NRG1: variants seen among roughly 807,000 people sequenced by gnomAD.
NRG1 encodes the protein neuregulin 1.
Under a neutral mutation model 63.8 loss-of-function variants are expected in NRG1, and 18 were observed. The observed-to-expected ratio is 0.28, with a 90% CI of 0.19 to 0.42. The LOEUF is 0.42. Ranked by LOEUF, NRG1 falls within the 10% of genes least tolerant of loss-of-function variation. The probability of loss-of-function intolerance (pLI) is 1.00; values close to 1 mark genes in which losing one functional copy is unlikely to be tolerated. For missense variants in NRG1, 762 were observed against 814.7 expected (o/e 0.94, Z 0.79); for synonymous variants, 302 against 301.3 (o/e 1.00, Z -0.02).
At chr8:32,719,308 TA>T (rs1359081310) in intron 5 of NRG1, among the ~76,000 whole-genome samples, 1 of 152,044 alleles carries the variant, frequency 6.6e-6, no homozygotes. Flanking sequence ...ACATGCATAT[TA>T]AAAACCTGAA....
chr8:32,545,486 T>A (rs1003610238), upstream of NRG1, among the ~76,000 whole-genome samples: 4 of 149,966 alleles, frequency 2.7e-5, no homozygotes, highest in East Asian at 2.0e-4. Context: ...GTTTTTTTTT[T>A]AAAGCAAAAA....
intron 1 of NRG1, among the ~76,000 whole-genome samples, chr8:31,943,453 C>G (rs1802064958): frequency 1.3e-5 from 2 of 152,054 alleles, no homozygotes; most frequent in South Asian, 4.2e-4. Flanking sequence ...CTGGTGATGG[C>G]TGCACCAAAA....
intron 1 of NRG1, among the ~76,000 whole-genome samples, chr8:31,832,793 T>TA (rs1376275645): frequency 8.5e-5 from 13 of 152,206 alleles, no homozygotes; most frequent in Non-Finnish European, 1.5e-4. Flanking sequence ...TGCCTATTGC[T>TA]TTATAAAACT....
In NRG1 at chr8:31,777,418, A is replaced by G. The variant is rs567452379; in HGVS notation, c.37+137987A>G. On this transcript the variant is annotated intron_variant, in intron 1 of 10. Coordinates refer to the NRG1 transcript ENST00000519301. ...CTGAGGACCAGAGAGTAGGCATCCA[A>G]GGTCACAGAGTTGGGCATGCGTGGG... 3.7e-4 allele frequency among the ~76,000 whole-genome samples: 56 copies of G among 152,336 alleles called. 1 individual carries two copies. The highest frequency in any genetic ancestry group is 1.2e-3 in the African/African-American group (49 of 41,584).
chr8:32,219,094 A>C (rs1214318880), intron 1 of NRG1, among the ~76,000 whole-genome samples: 1 of 152,226 alleles, frequency 6.6e-6, no homozygotes. Context: ...AAATCTATTA[A>C]AATTTTATTA....
At chr8:31,766,180 A>G (rs1221889889) in intron 1 of NRG1, among the ~76,000 whole-genome samples, 6 of 152,142 alleles carry the variant, frequency 3.9e-5, no homozygotes, top group African/African-American at 1.4e-4. Flanking sequence ...AGTAATAGTA[A>G]GAAAGCTTTT....
intron 5 of NRG1, among the ~76,000 whole-genome samples, chr8:32,617,480 G>T (rs1252312302): frequency 2.0e-5 from 3 of 152,228 alleles, no homozygotes; most frequent in African/African-American, 7.2e-5. Context: ...ATAACTGTTA[G>T]ATTGATTGGG....
chr8:32,485,925 CT>C (rs1182306300), intron 1 of NRG1, among the ~76,000 whole-genome samples: 1 of 152,012 alleles, frequency 6.6e-6, no homozygotes. Context: ...TTATTTCTTT[CT>C]TTTTTTTCTT....
intron 1 of NRG1, among the ~76,000 whole-genome samples, chr8:32,206,957 G>T (rs1296650815): frequency 1.3e-5 from 2 of 152,106 alleles, no homozygotes; most frequent in Non-Finnish European, 2.9e-5. Context: ...TAAAAATTAT[G>T]CCTGACTAAA....
At chr8:31,951,879 C>A (rs1191547162) in intron 1 of NRG1, among the ~76,000 whole-genome samples, 1 of 152,116 alleles carries the variant, frequency 6.6e-6, no homozygotes, top group East Asian at 1.9e-4. Context: ...GTAAAATATT[C>A]TTGGTTTACG....
At chr8:32,677,351 CT>C (rs1807399186) in intron 5 of NRG1, among the ~76,000 whole-genome samples, 1 of 152,074 alleles carries the variant, frequency 6.6e-6, no homozygotes, top group South Asian at 2.1e-4. Context: ...CCTTCAGAAT[CT>C]TTATTTTACA....
chr8:31,683,964 A>G (rs577949200), intron 1 of NRG1, among the ~76,000 whole-genome samples: 1 of 152,294 alleles, frequency 6.6e-6, no homozygotes, highest in South Asian at 2.1e-4. Context: ...AGAGAATTAA[A>G]CATTTTTCAT....
At chr8:32,550,155 C>T (rs1833854115) in intron 1 of NRG1, among the ~76,000 whole-genome samples, 1 of 152,158 alleles carries the variant, frequency 6.6e-6, no homozygotes, top group African/African-American at 2.4e-5. Flanking sequence ...TGTTTCACCA[C>T]TGGCCATTCT....
intron 1 of NRG1, among the ~76,000 whole-genome samples, chr8:32,087,625 C>G (rs1017251259): frequency 1.8e-4 from 27 of 151,666 alleles, no homozygotes; most frequent in African/African-American, 6.5e-4. Context: ...TGCGTGTGCC[C>G]ACGCCCAGCT....
chr8:32,207,846 G>T (rs1481747), intron 1 of NRG1, among the ~76,000 whole-genome samples: 121,923 of 152,154 alleles, frequency 0.8, 49,602 homozygotes, highest in African/African-American at 0.92. Flanking sequence ...TTAGAATAAT[G>T]TGTTACTCAT....
At chr8:32,146,770 T>G (rs1836912543) in intron 1 of NRG1, among the ~76,000 whole-genome samples, 1 of 152,128 alleles carries the variant, frequency 6.6e-6, no homozygotes, top group Non-Finnish European at 1.5e-5. Context: ...ATTGTTAATC[T>G]TACTATATAT....
At chr8:31,745,195 T>C (rs1282886843) in intron 1 of NRG1, among the ~76,000 whole-genome samples, 1 of 151,898 alleles carries the variant, frequency 6.6e-6, no homozygotes, top group Admixed American at 6.6e-5. Context: ...ATAGAGATGT[T>C]TGAAACCTGC....
chr8:32,606,266 G>A (rs992967675), intron 3 of NRG1, among the ~76,000 whole-genome samples: 2 of 151,176 alleles, frequency 1.3e-5, no homozygotes, highest in African/African-American at 2.4e-5. Flanking sequence ...ACTCAATTCT[G>A]GCAATTTTAT....
rs117129618 is a variant in NRG1, at chr8:31,731,645, A to G, written c.37+92214A>G. On this transcript the variant is annotated intron_variant, in intron 1 of 10. Transcript: ENST00000519301. ...GTTATTTGAAAAATATTTAAACAGAACATAACTCAGTTAATATATATGTAC... is the reference window on the plus strand; with the variant it reads ...GTTATTTGAAAAATATTTAAACAGAGCATAACTCAGTTAATATATATGTAC... Among the ~76,000 whole-genome samples, 583 of 152,268 alleles carry G rather than the reference A, an allele frequency of 3.8e-3. 1 individual carries two copies. The highest frequency in any genetic ancestry group is 0.019 in the South Asian group (91 of 4,830).
Sources: gnomAD v4.1 joint callset for allele counts (sites outside exome capture counted in the v4.1 genomes callset) on GRCh38, gnomAD v4.1.1 for gene constraint, MANE v1.5 for transcripts, NCBI Gene and HGNC (gene_info 2026-07-23, HGNC 2026-07-21) for gene names.